HOATZ: variants seen among roughly 807,000 people sequenced by gnomAD.
HOATZ encodes HOATZ cilia and flagella associated protein.
A neutral mutation model predicts 24.9 loss-of-function variants in HOATZ; 26 were observed. The ratio of observed to expected loss-of-function variants is 1.04; its 90% CI spans 0.76 to 1.45. HOATZ has a LOEUF of 1.45. Among genes scored for constraint, HOATZ ranks in the 40% most tolerant of loss-of-function variants. The pLI is 0.00. For missense variants in HOATZ, 226 were observed against 201.5 expected (o/e 1.12, Z -0.74); for synonymous variants, 83 against 76.6 (o/e 1.08, Z -0.43).
At chr11:111,523,602 C>T (rs1405841479) in intron 3 of HOATZ, among the ~76,000 whole-genome samples, 1 of 152,252 alleles carries the variant, frequency 6.6e-6, no homozygotes, top group East Asian at 1.9e-4. Flanking sequence ...GTTTAACATA[C>T]CAAGACTTTC....
At chr11:111,530,148 A>G (rs1245474840) in intron 3 of HOATZ, among the ~76,000 whole-genome samples, 2 of 152,224 alleles carry the variant, frequency 1.3e-5, no homozygotes, top group Admixed American at 6.5e-5. Context: ...AGTAATTTTT[A>G]TCTCCAATTT....
At chr11:111,536,664 C>A in intron 5 of HOATZ, 106 bp from the exon 6 acceptor site, 1 of 868,682 alleles carries the variant, frequency 1.2e-6, no homozygotes. Context: ...GAATCTACAA[C>A]AGTGAATTTT....
At chr11:111,521,539 C>T (rs889017867) in intron 3 of HOATZ, among the ~76,000 whole-genome samples, 1 of 151,958 alleles carries the variant, frequency 6.6e-6, no homozygotes, top group Non-Finnish European at 1.5e-5. Context: ...TTTTGCTTTC[C>T]CACCCTAATA....
At chr11:111,519,807 A>C (rs1356029598) in intron 3 of HOATZ, among the ~76,000 whole-genome samples, 1 of 152,134 alleles carries the variant, frequency 6.6e-6, no homozygotes, top group Non-Finnish European at 1.5e-5. Context: ...AATTCTCTTT[A>C]AGGTTTATTC....
intron 3 of HOATZ, among the ~76,000 whole-genome samples, chr11:111,528,158 C>CA (rs1435615607): frequency 5.9e-5 from 1 of 16,910 alleles, no homozygotes; most frequent in South Asian, 7.9e-3. Flanking sequence ...CTCATCTCTA[C>CA]CAAAAAAAAA....
chr11:111,519,350 A>T (rs1176821080), intron 3 of HOATZ, among the ~76,000 whole-genome samples: 1 of 152,158 alleles, frequency 6.6e-6, no homozygotes, highest in African/African-American at 2.4e-5. Flanking sequence ...TAAAGAGTAA[A>T]TGAAGGCCCT....
chr11:111,514,985 G>A lies in HOATZ; in HGVS notation c.201G>A (p.Ala67=), dbSNP rs374963530. The A allele has an allele frequency of 5.5e-4, 895 of 1,613,110 alleles. 1 individual carries two copies. The highest frequency in any genetic ancestry group is 7.3e-4 in the Non-Finnish European group (862 of 1,179,976). Residue 67 remains alanine (A), a synonymous_variant, in exon 1 of 6, where the codon GCG becomes GCA. Coordinates refer to ENST00000375618, the MANE Select transcript of HOATZ (RefSeq NM_001100388.2). The part of the protein sequence containing the change: ...RRDSSQRLPV[A]RPRRSRGSEN... The stretch of plus-strand genomic sequence containing the variant: ...ACAGCAGTCAGCGTCTGCCGGTGGC[G>A]CGGCCCAGGAGGAGCAGAGGGTCTG...
At chr11:111,525,214 G>T (rs1480551357) in intron 3 of HOATZ, among the ~76,000 whole-genome samples, 1 of 151,916 alleles carries the variant, frequency 6.6e-6, no homozygotes, top group Non-Finnish European at 1.5e-5. Context: ...TTAGCAATTT[G>T]TTTTTTTAAA....
At chr11:111,531,779 C>T (rs1591558431) in intron 3 of HOATZ, among the ~76,000 whole-genome samples, 1 of 152,140 alleles carries the variant, frequency 6.6e-6, no homozygotes, top group South Asian at 2.1e-4. Context: ...TTAAACAGAA[C>T]GATGCAAAGC....
intron 3 of HOATZ, among the ~76,000 whole-genome samples, chr11:111,532,527 C>T (rs890793312): frequency 1.2e-4 from 18 of 152,116 alleles, no homozygotes; most frequent in African/African-American, 4.1e-4. Flanking sequence ...ATTGGGGTTA[C>T]GCAAACCAAG....
chr11:111,520,424 A>C (rs991213944), intron 3 of HOATZ, among the ~76,000 whole-genome samples: 1 of 152,180 alleles, frequency 6.6e-6, no homozygotes, highest in African/African-American at 2.4e-5. Context: ...TTTACAGGGA[A>C]AATATGCAAT....
intron 3 of HOATZ, 140 bp from the exon 4 acceptor site, chr11:111,533,606 C>A (rs1867417072): frequency 1.8e-6 from 1 of 544,568 alleles, no homozygotes; most frequent in Admixed American, 3.7e-5. Flanking sequence ...TTGGCACAAA[C>A]AAAAATGTAT....
chr11:111,520,850 C>T (rs1867260680), intron 3 of HOATZ, among the ~76,000 whole-genome samples: 1 of 152,168 alleles, frequency 6.6e-6, no homozygotes, highest in Admixed American at 6.5e-5. Context: ...AGAGAGATCG[C>T]ATTCACATAA....
At chr11:111,534,909 G>A (rs1233710484) in intron 5 of HOATZ, 1 of 161,704 alleles carries the variant, frequency 6.2e-6, no homozygotes, top group Admixed American at 6.1e-5. Flanking sequence ...TGATAAGGGA[G>A]TAGCCTTATC....
At chr11:111,522,782 T>A (rs1333786258) in intron 3 of HOATZ, among the ~76,000 whole-genome samples, 1 of 151,892 alleles carries the variant, frequency 6.6e-6, no homozygotes, top group Non-Finnish European at 1.5e-5. Flanking sequence ...TCAATATCCG[T>A]AGCACTTGCA....
chr11:111,522,822 T>C (rs1007000470), intron 3 of HOATZ, among the ~76,000 whole-genome samples: 2 of 146,924 alleles, frequency 1.4e-5, no homozygotes, highest in Non-Finnish European at 3.0e-5. Flanking sequence ...GGAAAGTGGT[T>C]AAAAAAAAAA....
intron 3 of HOATZ, among the ~76,000 whole-genome samples, chr11:111,531,594 T>C (rs1867393927): frequency 6.6e-6 from 1 of 152,384 alleles, no homozygotes; most frequent in Admixed American, 6.5e-5. Context: ...ATTATTTTAT[T>C]CAATCTATGC....
chr11:111,515,403 C>T, intron 1 of HOATZ, 108 bp from the exon 2 acceptor site: 1 of 875,354 alleles, frequency 1.1e-6, no homozygotes, highest in East Asian at 2.4e-5. Flanking sequence ...TTAGTGAGGC[C>T]TAGGATGTGG....
At chr11:111,516,802 T>C (rs183394638) in intron 3 of HOATZ, among the ~76,000 whole-genome samples, 1 of 152,240 alleles carries the variant, frequency 6.6e-6, no homozygotes, top group East Asian at 1.9e-4. Flanking sequence ...AATGAGTCTG[T>C]CATCTAGACC....
Sources: allele counts gnomAD v4.1 joint callset (sites outside exome capture counted in the v4.1 genomes callset), GRCh38; gene constraint gnomAD v4.1.1; transcripts MANE v1.5; gene names NCBI Gene and HGNC (gene_info 2026-07-23, HGNC 2026-07-21).